Variants in TRIQK observed in about 807,000 individuals in gnomAD.
The protein encoded by TRIQK is triple QxxK/R motif containing.
TRIQK carries 10 observed loss-of-function variants against 10.8 expected under a neutral mutation model. The ratio of observed to expected loss-of-function variants is 0.92; its 90% CI spans 0.57 to 1.57. TRIQK has a LOEUF of 1.57. Among genes scored for constraint, TRIQK ranks in the 40% most tolerant of loss-of-function variants. The pLI, the probability that TRIQK is intolerant of heterozygous loss-of-function variation, is 0.00. For missense variants in TRIQK, 107 were observed against 97.7 expected, an observed-to-expected ratio of 1.09 and a Z score of -0.40; for synonymous variants, 33 against 33.7, an observed-to-expected ratio of 0.98 and a Z score of 0.07.
intron 2 of TRIQK, among the ~76,000 whole-genome samples, chr8:92,917,632 G>A (rs1377529127): frequency 6.6e-6 from 1 of 151,776 alleles, no homozygotes; most frequent in Non-Finnish European, 1.5e-5. Flanking sequence ...TACTTTGGGT[G>A]GATATATGTA....
intron 1 of TRIQK, among the ~76,000 whole-genome samples, chr8:93,010,683 G>A (rs1182685082): frequency 6.6e-6 from 1 of 151,886 alleles, no homozygotes; most frequent in Non-Finnish European, 1.5e-5. Flanking sequence ...TTATAGAACG[G>A]CATATACAGA....
intron 1 of TRIQK, among the ~76,000 whole-genome samples, chr8:92,955,232 C>A (rs1193753768): frequency 1.3e-5 from 2 of 151,084 alleles, no homozygotes; most frequent in Non-Finnish European, 3.0e-5. Flanking sequence ...AATTTAACCC[C>A]AACTATTTGG....
intron 1 of TRIQK, among the ~76,000 whole-genome samples, chr8:92,993,697 AT>A (rs1163578696): frequency 2.6e-5 from 4 of 152,190 alleles, no homozygotes; most frequent in African/African-American, 9.7e-5. Flanking sequence ...TTGATAAACT[AT>A]TATGATGGTA....
At chr8:92,942,268 C>T (rs1442007200) in intron 2 of TRIQK, among the ~76,000 whole-genome samples, 1 of 152,124 alleles carries the variant, frequency 6.6e-6, no homozygotes, top group Non-Finnish European at 1.5e-5. Context: ...TATTATACAT[C>T]ACATTAACAG....
intron 1 of TRIQK, among the ~76,000 whole-genome samples, chr8:92,955,236 T>C (rs571551656): frequency 4.0e-5 from 6 of 150,626 alleles, no homozygotes; most frequent in Admixed American, 6.6e-5. Context: ...TAACCCCAAC[T>C]ATTTGGGAAC....
chr8:92,973,419 C>G (rs1025680703), intron 1 of TRIQK: 5 of 152,072 alleles, frequency 3.3e-5, no homozygotes, highest in African/African-American at 1.2e-4. Context: ...TATAAAACAC[C>G]ACGATAACTT....
chr8:92,898,860 TATATATATATATAG>T (rs1808763676), intron 3 of TRIQK, among the ~76,000 whole-genome samples: 1 of 140,424 alleles, frequency 7.1e-6, no homozygotes, highest in African/African-American at 2.6e-5. Flanking sequence ...TATATATATA[TATATATATATATAG>T]ATGGGGGTAC....
intron 1 of TRIQK, among the ~76,000 whole-genome samples, chr8:93,003,414 C>T (rs1398045207): frequency 6.6e-6 from 1 of 151,620 alleles, no homozygotes; most frequent in Non-Finnish European, 1.5e-5. Context: ...ATGAGACCAG[C>T]AAGAGAGAAA....
At chr8:92,961,453 G>A (rs915211596) in intron 1 of TRIQK, among the ~76,000 whole-genome samples, 3 of 152,158 alleles carry the variant, frequency 2.0e-5, no homozygotes, top group East Asian at 1.9e-4. Flanking sequence ...TGACGGCAAC[G>A]TATTATAATG....
At chr8:92,983,329 T>C (rs573595030) in intron 1 of TRIQK, among the ~76,000 whole-genome samples, 34 of 152,096 alleles carry the variant, frequency 2.2e-4, no homozygotes, top group African/African-American at 6.0e-4. Context: ...ACAAACTAGA[T>C]TAACTGCTAT....
At chr8:92,990,769 G>C (rs953487507) in intron 1 of TRIQK, among the ~76,000 whole-genome samples, 1 of 152,192 alleles carries the variant, frequency 6.6e-6, no homozygotes, top group Non-Finnish European at 1.5e-5. Context: ...CAGACCAAGA[G>C]ATTCCCTTGG....
chr8:92,942,032 T>C (rs1322136740), intron 2 of TRIQK, among the ~76,000 whole-genome samples: 7 of 152,122 alleles, frequency 4.6e-5, no homozygotes, highest in Non-Finnish European at 1.0e-4. Flanking sequence ...CTAAAATTAT[T>C]CCAAATAATT....
chr8:92,997,258 C>T lies in TRIQK; in HGVS notation c.-181+20351G>A, dbSNP rs530160649. Among the ~76,000 whole-genome samples the T allele has an allele frequency of 2.0e-5, 3 of 152,102 alleles. No individual in the cohort carries two copies. The East Asian group carries it at 5.8e-4, about 29-fold the overall frequency. ...AACATACTGGCACTAGGAATTCAGA[C>T]TGTGCATAGGAACAAGGAAATAAGT... On this transcript the variant is annotated intron_variant, in intron 1 of 4. Coordinates refer to the TRIQK transcript ENST00000520686.
chr8:92,899,207 C>T (rs1004176886), intron 3 of TRIQK, among the ~76,000 whole-genome samples: 5 of 151,976 alleles, frequency 3.3e-5, no homozygotes, highest in Non-Finnish European at 5.9e-5. Context: ...TGGTCTCAAT[C>T]TCTTGACCTC....
intron 1 of TRIQK, among the ~76,000 whole-genome samples, chr8:92,997,916 T>C (rs1190559847): frequency 6.6e-6 from 1 of 152,046 alleles, no homozygotes; most frequent in Admixed American, 6.6e-5. Context: ...TTTCAAACTG[T>C]AAGACAACAC....
At chr8:92,969,974 TG>T (rs376539422), upstream of TRIQK, among the ~76,000 whole-genome samples, 283 of 152,216 alleles carry the variant, frequency 1.9e-3, 2 homozygotes, top group African/African-American at 5.8e-3. Flanking sequence ...TCCCTGTGTA[TG>T]TTGTTCCCCT....
rs974041170 is a variant in TRIQK at position 93,001,781 on chromosome 8, A to T, written c.-181+15828T>A. Among the ~76,000 whole-genome samples the T allele has an allele frequency of 3.9e-5, 6 of 152,240 alleles. No individual in the cohort carries two copies. The South Asian group carries it at 1.2e-3, about 31-fold the overall frequency. On this transcript the variant is annotated intron_variant, in intron 1 of 4. Coordinates refer to the TRIQK transcript ENST00000520686. ...TTGAATTTAAACTGCAGCCTTGATC[A>T]AATGCACCTAACACATTTATAGAAC...
At chr8:92,933,894 CG>C (rs1554603267) in intron 2 of TRIQK, among the ~76,000 whole-genome samples, 1 of 151,956 alleles carries the variant, frequency 6.6e-6, no homozygotes, top group Non-Finnish European at 1.5e-5. Context: ...TCTATTTTAG[CG>C]GCAAGCATCA....
intron 4 of TRIQK, among the ~76,000 whole-genome samples, chr8:92,887,587 A>G (rs1816554730): frequency 6.6e-6 from 1 of 151,542 alleles, no homozygotes; most frequent in Non-Finnish European, 1.5e-5. Flanking sequence ...AAAAAAGCAA[A>G]TAGAATGCCA....
Sources: gnomAD v4.1 joint callset for allele counts (sites outside exome capture counted in the v4.1 genomes callset) on GRCh38, gnomAD v4.1.1 for gene constraint, MANE v1.5 for transcripts, NCBI Gene and HGNC (gene_info 2026-07-23, HGNC 2026-07-21) for gene names.